Variants in FKBP5 observed in about 807,000 individuals in gnomAD.
FKBP5 encodes peptidyl-prolyl cis-trans isomerase FKBP5.
A neutral mutation model predicts 50.5 loss-of-function variants in FKBP5; 23 were observed. The ratio of observed to expected loss-of-function variants is 0.46; its 90% CI spans 0.33 to 0.65. The LOEUF (loss-of-function observed/expected upper bound fraction) is 0.65. FKBP5 is among the 30% of genes least tolerant of loss of function. The probability of loss-of-function intolerance (pLI) is 0.02; values close to 1 mark genes in which losing one functional copy is unlikely to be tolerated. For synonymous variants in FKBP5, 176 were observed against 190.6 expected, an observed-to-expected ratio of 0.92 and a Z score of 0.63; for missense variants, 411 against 553.1, an observed-to-expected ratio of 0.74 and a Z score of 2.58.
intron 2 of FKBP5, among the ~76,000 whole-genome samples, chr6:35,696,446 A>T (rs1450362019): frequency 6.6e-6 from 1 of 150,914 alleles, no homozygotes; most frequent in African/African-American, 2.4e-5. Flanking sequence ...CAGATGTTGG[A>T]GGCTGCAGTA....
intron 1 of FKBP5, among the ~76,000 whole-genome samples, chr6:35,668,160 G>T (rs1249746003): frequency 6.6e-6 from 1 of 152,184 alleles, no homozygotes; most frequent in Admixed American, 6.5e-5. Context: ...CAGCAGATCA[G>T]CCACTGCATA....
intron 1 of FKBP5, among the ~76,000 whole-genome samples, chr6:35,644,332 C>A (rs1486269487): frequency 2.0e-5 from 3 of 152,248 alleles, no homozygotes; most frequent in Non-Finnish European, 4.4e-5. Context: ...TTAATGCCCC[C>A]TAAACTCATC....
At chr6:35,692,275 C>T (rs1415528237), upstream of FKBP5, among the ~76,000 whole-genome samples, 2 of 152,108 alleles carry the variant, frequency 1.3e-5, no homozygotes, top group Middle Eastern at 3.2e-3. Context: ...CCACCTTGCC[C>T]GAACTTATCA....
At chr6:35,636,171 C>T (rs1764304580) in intron 3 of FKBP5, among the ~76,000 whole-genome samples, 1 of 152,214 alleles carries the variant, frequency 6.6e-6, no homozygotes, top group African/African-American at 2.4e-5. Context: ...TTTAAAACCA[C>T]ATTCATTAAT....
At chr6:35,633,816 A>G (rs1764233253) in intron 3 of FKBP5, among the ~76,000 whole-genome samples, 1 of 152,126 alleles carries the variant, frequency 6.6e-6, no homozygotes, top group Admixed American at 6.6e-5. Flanking sequence ...TTTTTACAGA[A>G]GCAGGTAAGA....
intron 1 of FKBP5, among the ~76,000 whole-genome samples, chr6:35,654,528 T>C (rs1412587740): frequency 6.6e-6 from 1 of 152,228 alleles, no homozygotes; most frequent in Non-Finnish European, 1.5e-5. Context: ...CATACCATTG[T>C]TCAAATAAAA....
intron 1 of FKBP5, among the ~76,000 whole-genome samples, chr6:35,677,327 C>A (rs924541097): frequency 2.0e-5 from 3 of 152,186 alleles, no homozygotes; most frequent in Non-Finnish European, 4.4e-5. Flanking sequence ...CCCGCCTCGG[C>A]CTCCCAAAGT....
intron 8 of FKBP5, chr6:35,586,298 AG>A: frequency 1.0e-6 from 1 of 985,342 alleles, no homozygotes; most frequent in Non-Finnish European, 1.2e-6. Context: ...GTTTCTGAGA[AG>A]CAATTTATGA....
In FKBP5 at chr6:35,595,287, C is replaced by T. The variant is rs150063404; in HGVS notation, c.665+1961G>A. 4.2e-3 allele frequency among the ~76,000 whole-genome samples: 634 copies of T among 152,314 alleles called. 4 individuals are homozygous for T. The highest frequency in any genetic ancestry group is 0.014 in the African/African-American group (584 of 41,576). On this transcript the variant is annotated intron_variant, in intron 6 of 10. Coordinates refer to ENST00000357266, the MANE Select transcript of FKBP5 (RefSeq NM_004117.4). ...ACATCTGTCCCCACAATTGCCTTGT[C>T]AGCCAGGCTAAAATGTAATGTATAT... is the stretch of plus-strand genomic sequence containing the variant.
chr6:35,612,136 A>G (rs925782417), intron 5 of FKBP5, among the ~76,000 whole-genome samples: 1 of 152,194 alleles, frequency 6.6e-6, no homozygotes, highest in Non-Finnish European at 1.5e-5. Context: ...CACGCCTGTA[A>G]TCCCAGCACT....
chr6:35,582,500 G>C (rs943755987), intron 8 of FKBP5: 6 of 388,784 alleles, frequency 1.5e-5, no homozygotes, highest in Non-Finnish European at 1.8e-5. Context: ...TCACATGCAT[G>C]TGGAAAGGCC....
intron 9 of FKBP5, among the ~76,000 whole-genome samples, chr6:35,579,173 CT>C (rs1168890183): frequency 3.9e-5 from 6 of 152,090 alleles, no homozygotes; most frequent in African/African-American, 1.4e-4. Flanking sequence ...CACTCTCTCT[CT>C]CTCTCTCTCC....
chr6:35,579,709 C>G (rs899438422), intron 9 of FKBP5, among the ~76,000 whole-genome samples: 4 of 152,148 alleles, frequency 2.6e-5, no homozygotes, highest in African/African-American at 9.7e-5. Context: ...TCTTATTAAA[C>G]TGAACCTGAG....
Position 35,634,488 on chromosome 6 carries a change from G to A in FKBP5, c.250+2526C>T, listed in dbSNP as rs764355252. On this transcript the variant is annotated intron_variant, in intron 3 of 10. Transcript: ENST00000357266. ...GAGAGCAGGGGCGTGGCCAGAACTG[G>A]AGCTTGGAAAGAGCACAGCTGGACG... 1.8e-4 allele frequency among the ~76,000 whole-genome samples: 27 copies of A among 152,176 alleles called. 1 individual carries two copies. Among genetic ancestry groups the A allele is most frequent in the Admixed American group, 3.3e-4 (5 of 15,278 alleles).
intron 2 of FKBP5, among the ~76,000 whole-genome samples, chr6:35,715,496 C>G (rs879387516): frequency 1.3e-5 from 2 of 152,084 alleles, no homozygotes; most frequent in African/African-American, 2.4e-5. Context: ...AAAATGTGTT[C>G]CAATAGAGAC....
chr6:35,656,355 T>C (rs1286144884), intron 1 of FKBP5, among the ~76,000 whole-genome samples: 2 of 152,230 alleles, frequency 1.3e-5, no homozygotes, highest in Non-Finnish European at 2.9e-5. Flanking sequence ...TAGAATCATA[T>C]CTAAGGTTTA....
intron 1 of FKBP5, among the ~76,000 whole-genome samples, chr6:35,662,408 G>T (rs1765094131): frequency 1.3e-5 from 2 of 150,954 alleles, no homozygotes. Flanking sequence ...CTGAGTAGCT[G>T]GGATTAGAGA....
intron 5 of FKBP5, among the ~76,000 whole-genome samples, chr6:35,616,199 C>T (rs1317130247): frequency 2.0e-5 from 3 of 151,304 alleles, no homozygotes; most frequent in Admixed American, 6.6e-5. Flanking sequence ...CCTATAGTCC[C>T]AGCTACTTGG....
At chr6:35,727,490 C>T (rs569365959) in intron 1 of FKBP5, among the ~76,000 whole-genome samples, 84 of 152,312 alleles carry the variant, frequency 5.5e-4, no homozygotes, top group African/African-American at 1.9e-3. Context: ...TCCCTACTCC[C>T]GGCGTCGTGC....
Sources: allele counts gnomAD v4.1 joint callset (sites outside exome capture counted in the v4.1 genomes callset), GRCh38; gene constraint gnomAD v4.1.1; transcripts MANE v1.5; gene names NCBI Gene and HGNC (gene_info 2026-07-23, HGNC 2026-07-21).